PCLO: variants seen among roughly 807,000 people sequenced by gnomAD.
PCLO encodes piccolo presynaptic cytomatrix protein.
In PCLO, 82 loss-of-function variants were observed where a neutral mutation model predicts 427.5. The observed-to-expected ratio is 0.19, with a 90% CI of 0.16 to 0.23. The LOEUF is 0.23. Among genes scored for constraint, PCLO ranks in the 10% least tolerant of loss-of-function variants. PCLO has a pLI of 1.00. For synonymous variants in PCLO, 2,357 were observed against 2,155.4 expected, an observed-to-expected ratio of 1.09 and a Z score of -2.59; for missense variants, 6,239 against 6,115.9, an observed-to-expected ratio of 1.02 and a Z score of -0.67.
At chr7:82,784,331 G>A (rs1484906136) in intron 22 of PCLO, among the ~76,000 whole-genome samples, 1 of 152,140 alleles carries the variant, frequency 6.6e-6, no homozygotes, top group Non-Finnish European at 1.5e-5. Context: ...GCACACTTCT[G>A]CTGGTCAGCC....
At chr7:83,063,219 C>T (rs1789582441) in intron 3 of PCLO, among the ~76,000 whole-genome samples, 1 of 152,022 alleles carries the variant, frequency 6.6e-6, no homozygotes, top group African/African-American at 2.4e-5. Context: ...GATGTTAAAG[C>T]TTCTTCTTAT....
intron 7 of PCLO, among the ~76,000 whole-genome samples, chr7:82,910,005 T>G (rs1794284603): frequency 6.6e-6 from 1 of 152,108 alleles, no homozygotes; most frequent in Non-Finnish European, 1.5e-5. Flanking sequence ...ACTGAACATC[T>G]TATTTTCCCT....
intron 3 of PCLO, among the ~76,000 whole-genome samples, chr7:82,980,013 A>G (rs1000307762): frequency 6.6e-6 from 1 of 152,170 alleles, no homozygotes; most frequent in African/African-American, 2.4e-5. Flanking sequence ...CCAGGTCCCA[A>G]GCCTCACATC....
In PCLO at chr7:82,805,721, G is replaced by T. The variant is rs1265539312; in HGVS notation, c.14900C>A (p.Ala4967Glu). The change falls in exon 21 of 25, where the codon GCA (alanine) becomes GAA (glutamate). Residue 4967 changes from alanine to glutamate, a missense_variant. Ala to Glu is a moderately radical substitution (Grantham distance 107). Coordinates refer to ENST00000333891, the MANE Select transcript of PCLO (RefSeq NM_033026.6). Reference protein sequence around the residue: ...SVDSEGSSSTAGETNLFPIPR... With the variant: ...SVDSEGSSSTEGETNLFPIPR... ...AATAGGAAATAGATTAGTCTCCCCT[G>T]CAGTGCTGCTGCTTCCTTCACTGTC... The T allele has an allele frequency of 6.2e-7, 1 of 1,612,948 alleles. No individual in the cohort carries two copies. The highest frequency in any genetic ancestry group is 2.2e-5 in the East Asian group (1 of 44,842).
intron 22 of PCLO, among the ~76,000 whole-genome samples, chr7:82,792,794 T>G (rs1267921547): frequency 6.6e-6 from 1 of 152,166 alleles, no homozygotes; most frequent in Non-Finnish European, 1.5e-5. Context: ...TTTCTTAAAA[T>G]AATTTTGTAT....
intron 3 of PCLO, among the ~76,000 whole-genome samples, chr7:83,043,531 T>A (rs539343451): frequency 6.6e-6 from 1 of 152,350 alleles, no homozygotes; most frequent in East Asian, 1.9e-4. Flanking sequence ...GCATAAAAAT[T>A]GCCAAAAGAT....
intron 3 of PCLO, among the ~76,000 whole-genome samples, chr7:83,020,645 T>C (rs1788320844): frequency 6.6e-6 from 1 of 152,154 alleles, no homozygotes; most frequent in Non-Finnish European, 1.5e-5. Context: ...ACTCCTGACC[T>C]ATAAGAATAA....
intron 9 of PCLO, among the ~76,000 whole-genome samples, chr7:82,882,292 T>C (rs1173918278): frequency 1.3e-5 from 2 of 152,158 alleles, no homozygotes; most frequent in African/African-American, 4.8e-5. Flanking sequence ...AGAAGCAACA[T>C]TAATTTTGAA....
chr7:82,993,646 AATAGACTACAGT>A (rs1194706034), intron 3 of PCLO, among the ~76,000 whole-genome samples: 6 of 152,092 alleles, frequency 3.9e-5, no homozygotes, highest in Non-Finnish European at 8.8e-5. Context: ...TTGCACACTT[AATAGACTACAGT>A]ATAGTGTAAA....
Position 82,953,680 on chromosome 7 carries a change from G to T in PCLO, c.7273C>A (p.Pro2425Thr). ...PPPPPPPPPP[P>T]PLPPPTSPKP... ...GGTGAAGTTGGTGGAGGAAGTGGTG[G>T]GGGAGGAGGGGGTGGTGGTGGAGGA... Residue 2425 changes from proline (P) to threonine (T), a missense_variant, in exon 5 of 25, where the codon CCA becomes ACA. Physicochemically the swap from Pro to Thr is conservative, Grantham distance 38. Transcript: ENST00000333891. The T allele has an allele frequency of 7.6e-7, 1 of 1,307,832 alleles. No individual in the cohort carries two copies. Among genetic ancestry groups the T allele is most frequent in the Non-Finnish European group, 1.1e-6 (1 of 948,072 alleles). The allele number at this position is 1,307,832 out of a possible 1,614,324, so 81.0% of individuals were successfully genotyped here.
chr7:83,062,824 T>C (rs1789573647), intron 3 of PCLO, among the ~76,000 whole-genome samples: 1 of 152,130 alleles, frequency 6.6e-6, no homozygotes, highest in Non-Finnish European at 1.5e-5. Flanking sequence ...CATCACACAA[T>C]TCCTTTCATT....
chr7:83,156,582 G>A (rs1445119367), intron 1 of PCLO, among the ~76,000 whole-genome samples, 190 bp from the exon 2 acceptor site: 1 of 151,176 alleles, frequency 6.6e-6, no homozygotes, highest in Non-Finnish European at 1.5e-5. Context: ...TTCTTTAAAT[G>A]GGTAGAGATT....
At chr7:83,028,044 C>A (rs1033021424) in intron 3 of PCLO, among the ~76,000 whole-genome samples, 2 of 147,840 alleles carry the variant, frequency 1.4e-5, no homozygotes, top group African/African-American at 5.0e-5. Flanking sequence ...TGAAAACTGG[C>A]ACAAGACAGG....
intron 3 of PCLO, among the ~76,000 whole-genome samples, chr7:83,025,472 A>G (rs562653700): frequency 4.6e-5 from 7 of 151,746 alleles, no homozygotes; most frequent in African/African-American, 1.2e-4. Context: ...CCAAATCTAC[A>G]TCTGATTGGT....
intron 3 of PCLO, among the ~76,000 whole-genome samples, chr7:83,085,279 G>A (rs1790202353): frequency 6.6e-6 from 1 of 152,130 alleles, no homozygotes. Context: ...CTAAGTAGTA[G>A]ATAACATTTA....
At chr7:82,891,255 C>G (rs1487611298) in intron 9 of PCLO, among the ~76,000 whole-genome samples, 1 of 151,994 alleles carries the variant, frequency 6.6e-6, no homozygotes, top group African/African-American at 2.4e-5. Flanking sequence ...AAAAGCTGTT[C>G]TTAATCACTT....
chr7:82,876,991 A>G (rs1255810377), intron 10 of PCLO, among the ~76,000 whole-genome samples: 1 of 152,214 alleles, frequency 6.6e-6, no homozygotes, highest in Non-Finnish European at 1.5e-5. Flanking sequence ...ACAGTTTTTA[A>G]TGATTTCTCA....
At chr7:82,815,024 GA>G (rs1329444178) in intron 20 of PCLO, among the ~76,000 whole-genome samples, 5 of 151,708 alleles carry the variant, frequency 3.3e-5, no homozygotes, top group African/African-American at 9.7e-5. Context: ...GTTTTGTACT[GA>G]AAAAAATATC....
intron 3 of PCLO, among the ~76,000 whole-genome samples, chr7:82,983,535 C>T (rs1430913424): frequency 1.3e-5 from 2 of 150,184 alleles, no homozygotes; most frequent in African/African-American, 4.9e-5. Context: ...AAATAATATA[C>T]AAATGGCCTT....
Sources: allele counts gnomAD v4.1 joint callset (sites outside exome capture counted in the v4.1 genomes callset), GRCh38; gene constraint gnomAD v4.1.1; transcripts MANE v1.5; gene names NCBI Gene and HGNC (gene_info 2026-07-23, HGNC 2026-07-21).